GLIS1: variants seen among roughly 807,000 people sequenced by gnomAD.
GLIS1 encodes GLIS family zinc finger 1.
In GLIS1, 24 loss-of-function variants were observed where a neutral mutation model predicts 63.8. The observed-to-expected ratio is 0.38, with a 90% CI of 0.27 to 0.53. GLIS1 has a LOEUF of 0.53. Among genes scored for constraint, GLIS1 ranks in the 20% least tolerant of loss-of-function variants. GLIS1 has a pLI of 0.85. For synonymous variants in GLIS1, 450 were observed against 482.5 expected (o/e 0.93, Z 0.88); for missense variants, 1,036 against 1,074.1 (o/e 0.96, Z 0.50).
chr1:53,515,121 T>TGTG (rs1644338622), intron 7 of GLIS1, among the ~76,000 whole-genome samples: 6 of 130,610 alleles, frequency 4.6e-5, no homozygotes, highest in African/African-American at 1.9e-4. Flanking sequence ...GTGTGTGTGT[T>TGTG]CTGAGATGGG....
chr1:53,519,383 G>C (rs1024186494), intron 7 of GLIS1, among the ~76,000 whole-genome samples: 3 of 152,224 alleles, frequency 2.0e-5, no homozygotes, highest in Non-Finnish European at 4.4e-5. Context: ...CAAGTGCTTT[G>C]ATATATTTTT....
chr1:53,548,471 A>AAT (rs1644727432), intron 4 of GLIS1, among the ~76,000 whole-genome samples: 1 of 152,204 alleles, frequency 6.6e-6, no homozygotes, highest in Admixed American at 6.5e-5. Context: ...ACCTCGACTC[A>AAT]TCCCGTGACA....
At chr1:53,671,718 TTTA>T (rs1185471536) in intron 2 of GLIS1, among the ~76,000 whole-genome samples, 1 of 152,248 alleles carries the variant, frequency 6.6e-6, no homozygotes, top group Non-Finnish European at 1.5e-5. Context: ...GGAACATTTA[TTTA>T]TTAAGTACCT....
At chr1:53,523,124 T>C (rs2100302793) in intron 6 of GLIS1, among the ~76,000 whole-genome samples, 1 of 151,692 alleles carries the variant, frequency 6.6e-6, no homozygotes, top group Non-Finnish European at 1.5e-5. Flanking sequence ...GAAGCCTAAA[T>C]GAGATACAGG....
chr1:53,701,888 G>A (rs954872963), intron 2 of GLIS1, among the ~76,000 whole-genome samples: 2 of 151,498 alleles, frequency 1.3e-5, no homozygotes, highest in South Asian at 2.1e-4. Context: ...AGCTACTCTG[G>A]AGGCTGAGGC....
At chr1:53,655,231 C>T (rs1276931111) in intron 2 of GLIS1, among the ~76,000 whole-genome samples, 2 of 152,186 alleles carry the variant, frequency 1.3e-5, no homozygotes, top group Non-Finnish European at 2.9e-5. Flanking sequence ...TCCTGTAACC[C>T]CCCAGAGGGT....
chr1:53,732,802 TAAA>T (rs10717170), intron 2 of GLIS1, among the ~76,000 whole-genome samples: 4 of 149,024 alleles, frequency 2.7e-5, no homozygotes, highest in Admixed American at 2.0e-4. Context: ...AAATCTATAT[TAAA>T]AAAAAAAAAA....
chr1:53,692,772 G>A (rs1010235069), intron 2 of GLIS1, among the ~76,000 whole-genome samples: 7 of 152,190 alleles, frequency 4.6e-5, no homozygotes, highest in African/African-American at 9.6e-5. Flanking sequence ...ATCCTAGCTC[G>A]GGCCTGCTTT....
intron 2 of GLIS1, among the ~76,000 whole-genome samples, chr1:53,632,752 T>G (rs1471151609): frequency 1.3e-5 from 2 of 148,912 alleles, no homozygotes; most frequent in Non-Finnish European, 3.0e-5. Flanking sequence ...GAGGGGCGTG[T>G]GTATGAGTGT....
chr1:53,509,763 C>A (rs475322), intron 9 of GLIS1, 86 bp downstream of exon 9: 54,237 of 805,020 alleles, frequency 0.067, 5,069 homozygotes, highest in East Asian at 0.47. Context: ...CTGCCTCCCC[C>A]ACTAGGTCAC....
At chr1:53,640,289 G>T (rs530294753) in intron 2 of GLIS1, among the ~76,000 whole-genome samples, 4 of 152,246 alleles carry the variant, frequency 2.6e-5, no homozygotes, top group African/African-American at 9.6e-5. Context: ...TGCCCAGTAA[G>T]AAAGAAAAAT....
At chr1:53,631,092 TG>T (rs955458666) in intron 2 of GLIS1, among the ~76,000 whole-genome samples, 8 of 152,256 alleles carry the variant, frequency 5.3e-5, no homozygotes, top group African/African-American at 1.7e-4. Context: ...CTTTTATTGC[TG>T]TTTATAACTT....
chr1:53,615,385 A>T (rs1043582890), intron 2 of GLIS1, among the ~76,000 whole-genome samples: 2 of 152,122 alleles, frequency 1.3e-5, no homozygotes, highest in Non-Finnish European at 2.9e-5. Flanking sequence ...CATGTCTCCC[A>T]ACTCCTACCC....
Position 53,598,040 on chromosome 1 carries a change from T to C in GLIS1, c.437+2061A>G, listed in dbSNP as rs1569892383. ...TCCAGAGAAGAATCCAGCAGATAAA[T>C]GCATTTGACTGTCACCAAACAATGC... On this transcript the variant is annotated intron_variant, in intron 3 of 10. Coordinates refer to ENST00000628545, the MANE Select transcript of GLIS1 (RefSeq NM_001367484.1). This position sits in a 1 kb window ranked among gnomAD's most constrained non-coding sequence, Gnocchi z 4.6. Among the ~76,000 whole-genome samples, 1 of 152,082 alleles carries C rather than the reference T, an allele frequency of 6.6e-6. No homozygotes were observed. The highest frequency in any genetic ancestry group is 2.4e-5 in the African/African-American group (1 of 41,404).
chr1:53,689,307 C>T (rs1403088365), intron 2 of GLIS1, among the ~76,000 whole-genome samples: 1 of 152,208 alleles, frequency 6.6e-6, no homozygotes, highest in Admixed American at 6.5e-5. Flanking sequence ...TCAGAGGCTT[C>T]ACAGAGGCAC....
At chr1:53,721,219 C>A (rs1042690094) in intron 2 of GLIS1, among the ~76,000 whole-genome samples, 10 of 151,934 alleles carry the variant, frequency 6.6e-5, no homozygotes, top group African/African-American at 2.4e-4. Flanking sequence ...TATACTTGAT[C>A]CAGGAACAGG....
At chr1:53,596,589 C>T (rs1645257405) in intron 3 of GLIS1, among the ~76,000 whole-genome samples, 1 of 152,184 alleles carries the variant, frequency 6.6e-6, no homozygotes, top group Non-Finnish European at 1.5e-5. Flanking sequence ...GTGAGGGGAG[C>T]TCTTATCGCC....
At chr1:53,732,082 G>C (rs1646867206) in intron 2 of GLIS1, among the ~76,000 whole-genome samples, 1 of 152,238 alleles carries the variant, frequency 6.6e-6, no homozygotes, top group African/African-American at 2.4e-5. Context: ...GGCCATCCAG[G>C]AAATGCGTTA....
chr1:53,687,486 C>A (rs890496021), intron 2 of GLIS1, among the ~76,000 whole-genome samples: 1 of 152,212 alleles, frequency 6.6e-6, no homozygotes, highest in African/African-American at 2.4e-5. Flanking sequence ...TGAGCCCCCA[C>A]AATAACTCCT....
Sources: gnomAD v4.1 joint callset for allele counts (sites outside exome capture counted in the v4.1 genomes callset) on GRCh38, gnomAD v4.1.1 for gene constraint, Gnocchi (gnomAD v3.1) non-coding constraint, MANE v1.5 for transcripts, NCBI Gene and HGNC (gene_info 2026-07-23, HGNC 2026-07-21) for gene names.